WWOX: variants seen among roughly 807,000 people sequenced by gnomAD.
WWOX encodes the protein WW domain-containing oxidoreductase.
In WWOX, 69 loss-of-function variants were observed where a neutral mutation model predicts 46.2. The observed-to-expected ratio is 1.49, with a 90% CI of 1.23 to 1.82. WWOX has a LOEUF of 1.82. Among genes scored for constraint, WWOX ranks in the 40% most tolerant of loss-of-function variants. The pLI, the probability that WWOX is intolerant of heterozygous loss-of-function variation, is 0.00. For synonymous variants in WWOX, 359 were observed against 202.6 expected (o/e 1.77, Z -6.56); for missense variants, 919 against 542.6 (o/e 1.69, Z -6.89).
chr16:78,451,121 G>C (rs947114252), intron 8 of WWOX, among the ~76,000 whole-genome samples: 15 of 152,262 alleles, frequency 9.9e-5, no homozygotes, highest in African/African-American at 3.4e-4. Context: ...TAAAGGCTCT[G>C]TTGGGTTCTT....
In WWOX at chr16:79,070,474, C is replaced by T. The variant is rs555789603; in HGVS notation, c.1057-141134C>T. The stretch of plus-strand genomic sequence containing the variant: ...GGATTGCTAGGATTTTTACTCACCA[C>T]CGATGGAAAATTCTCATAGTCTGGA... On this transcript the variant is annotated intron_variant, in intron 8 of 8. Transcript: ENST00000566780. Among the ~76,000 whole-genome samples the T allele has an allele frequency of 4.2e-4, 64 of 152,264 alleles. 2 individuals are homozygous for T. The South Asian group carries it at 0.013, about 32-fold the overall frequency.
chr16:79,172,416 C>T (rs1204273263), intron 8 of WWOX, among the ~76,000 whole-genome samples: 1 of 152,164 alleles, frequency 6.6e-6, no homozygotes, highest in Non-Finnish European at 1.5e-5. Context: ...CCTTGTGTTT[C>T]TGCTCTGGGC....
chr16:78,318,756 T>C (rs867438405), intron 5 of WWOX, among the ~76,000 whole-genome samples: 1 of 152,172 alleles, frequency 6.6e-6, no homozygotes, highest in Non-Finnish European at 1.5e-5. Flanking sequence ...TATTCTGATA[T>C]AGGAAGTTAA....
In WWOX at chr16:79,009,802, G is replaced by A. The variant is rs551125634; in HGVS notation, c.1057-201806G>A. Among the ~76,000 whole-genome samples the A allele has an allele frequency of 8.5e-5, 13 of 152,274 alleles. No individual in the cohort carries two copies. The East Asian group carries it at 2.5e-3, about 29-fold the overall frequency. On this transcript the variant is annotated intron_variant, in intron 8 of 8. Transcript: ENST00000566780. Reference sequence around the variant, plus strand: ...GGAATGGTGCAACCATGGTACATGGGAAGGAGGAGGGGGACACACAAGACT... The same window carrying A: ...GGAATGGTGCAACCATGGTACATGGAAAGGAGGAGGGGGACACACAAGACT...
chr16:79,057,771 C>G (rs1335469538), intron 8 of WWOX, among the ~76,000 whole-genome samples: 1 of 152,034 alleles, frequency 6.6e-6, no homozygotes, highest in African/African-American at 2.4e-5. Context: ...TTAGAAAGAC[C>G]CGGACTCGAA....
chr16:78,652,873 C>T (rs2046997666), intron 8 of WWOX, among the ~76,000 whole-genome samples: 1 of 152,154 alleles, frequency 6.6e-6, no homozygotes, highest in Non-Finnish European at 1.5e-5. Flanking sequence ...CGTGATTTGA[C>T]TCCCCCTTGC....
chr16:78,937,931 G>C (rs143473263), intron 8 of WWOX, among the ~76,000 whole-genome samples: 1 of 152,120 alleles, frequency 6.6e-6, no homozygotes, highest in African/African-American at 2.4e-5. Flanking sequence ...TGTGGCTATA[G>C]AACTTTTTAA....
At chr16:79,195,710 T>A (rs372862009) in intron 8 of WWOX, among the ~76,000 whole-genome samples, 1 of 152,168 alleles carries the variant, frequency 6.6e-6, no homozygotes, top group East Asian at 1.9e-4. Context: ...TGTGAAGGAA[T>A]GGCAATGATA....
chr16:78,182,753 C>G (rs995020815), intron 5 of WWOX, among the ~76,000 whole-genome samples: 1 of 151,956 alleles, frequency 6.6e-6, no homozygotes, highest in Admixed American at 6.6e-5. Context: ...GAGATCGAGA[C>G]CATCCTGGCT....
At chr16:78,165,828 A>G (rs572171980) in intron 5 of WWOX, among the ~76,000 whole-genome samples, 2 of 152,372 alleles carry the variant, frequency 1.3e-5, no homozygotes, top group South Asian at 4.1e-4. Context: ...AGTATATTTG[A>G]AATGAGCCCT....
chr16:78,182,361 T>G (rs1192012316), intron 5 of WWOX, among the ~76,000 whole-genome samples: 1 of 152,110 alleles, frequency 6.6e-6, no homozygotes, highest in Non-Finnish European at 1.5e-5. Flanking sequence ...CTGGCCATTC[T>G]CTTTCTTGTT....
intron 8 of WWOX, among the ~76,000 whole-genome samples, chr16:78,684,742 C>G (rs1203223850): frequency 6.6e-6 from 1 of 152,150 alleles, no homozygotes; most frequent in Non-Finnish European, 1.5e-5. Context: ...TAGTGGGACG[C>G]ATCATACTGA....
At chr16:78,645,417 T>C (rs1456030973) in intron 8 of WWOX, among the ~76,000 whole-genome samples, 1 of 152,162 alleles carries the variant, frequency 6.6e-6, no homozygotes, top group African/African-American at 2.4e-5. Flanking sequence ...TTAGTCCTTT[T>C]GTGTTGCTAT....
chr16:78,856,917 C>G (rs914038385), intron 8 of WWOX, among the ~76,000 whole-genome samples: 1 of 152,192 alleles, frequency 6.6e-6, no homozygotes, highest in Non-Finnish European at 1.5e-5. Flanking sequence ...CTGCCATACT[C>G]CTAGGCTAGG....
chr16:78,411,122 A>G (rs539559496), intron 6 of WWOX, among the ~76,000 whole-genome samples: 1 of 152,260 alleles, frequency 6.6e-6, no homozygotes, highest in South Asian at 2.1e-4. Flanking sequence ...GATTTTTTCT[A>G]TATTCTGTTA....
chr16:78,541,155 T>C (rs2043882541), intron 8 of WWOX, among the ~76,000 whole-genome samples: 1 of 152,070 alleles, frequency 6.6e-6, no homozygotes, highest in African/African-American at 2.4e-5. Context: ...TTGCACATAC[T>C]CTATAAATAC....
At chr16:78,221,846 C>T (rs1174953622) in intron 5 of WWOX, among the ~76,000 whole-genome samples, 2 of 152,180 alleles carry the variant, frequency 1.3e-5, no homozygotes, top group Non-Finnish European at 2.9e-5. Context: ...GTCTCACCTC[C>T]CTCCAAAACC....
intron 5 of WWOX, among the ~76,000 whole-genome samples, chr16:78,361,724 G>T (rs929616510): frequency 6.6e-6 from 1 of 151,972 alleles, no homozygotes; most frequent in Non-Finnish European, 1.5e-5. Flanking sequence ...CGATTCTCCC[G>T]TCTCAGCCTC....
intron 8 of WWOX, among the ~76,000 whole-genome samples, chr16:78,466,928 G>T (rs2084093071): frequency 6.9e-6 from 1 of 145,206 alleles, no homozygotes; most frequent in East Asian, 1.9e-4. Flanking sequence ...GAAATAATTG[G>T]GTTGTATGTA....
Sources: gnomAD v4.1 joint callset for allele counts (sites outside exome capture counted in the v4.1 genomes callset) on GRCh38, gnomAD v4.1.1 for gene constraint, MANE v1.5 for transcripts, NCBI Gene and HGNC (gene_info 2026-07-23, HGNC 2026-07-21) for gene names.